RELN: variants seen among roughly 807,000 people sequenced by gnomAD.
RELN encodes the protein reelin.
Under a neutral mutation model 427.6 loss-of-function variants are expected in RELN, and 108 were observed. The observed-to-expected ratio is 0.25, with a 90% CI of 0.22 to 0.30. The LOEUF (loss-of-function observed/expected upper bound fraction) is 0.30. Among genes scored for constraint, RELN ranks in the 10% least tolerant of loss-of-function variants. The probability of loss-of-function intolerance (pLI) is 1.00; values close to 1 mark genes in which losing one functional copy is unlikely to be tolerated. For missense variants in RELN, 3,715 were observed against 4,302.8 expected, an observed-to-expected ratio of 0.86 and a Z score of 3.82; for synonymous variants, 1,524 against 1,513.4, an observed-to-expected ratio of 1.01 and a Z score of -0.16.
chr7:103,702,968 T>C (rs1196185704), intron 8 of RELN, among the ~76,000 whole-genome samples: 3 of 152,182 alleles, frequency 2.0e-5, no homozygotes, highest in Non-Finnish European at 4.4e-5. Context: ...AGATCAAATG[T>C]GTACCCTGAG....
chr7:103,610,796 T>G lies in RELN; in HGVS notation c.2907A>C (p.Pro969=), dbSNP rs780891394. The change falls in exon 22 of 65, where the codon CCA becomes CCC. Residue 969 remains proline (P), a synonymous_variant. Coordinates refer to ENST00000428762, the MANE Select transcript of RELN (RefSeq NM_005045.4). The stretch of plus-strand genomic sequence containing the variant: ...TAAATTCCTGACAACTTGGCATACT[T>G]GGAAGGCATTCCTGAAAGAAAGTTA... ...TWHLVQEECL[P]SMPSCQEFTS... is the part of the protein sequence containing the mutation. The G allele has an allele frequency of 1.9e-6, 3 of 1,600,002 alleles. No individual in the cohort carries two copies. In the African/African-American group the frequency reaches 4.0e-5, roughly 21 times the overall value.
At chr7:103,608,763 T>G (rs1170953128) in intron 22 of RELN, among the ~76,000 whole-genome samples, 3 of 152,180 alleles carry the variant, frequency 2.0e-5, no homozygotes, top group Admixed American at 1.3e-4. Context: ...TCCAGCTTGG[T>G]GTTGCTATCT....
At chr7:103,816,558 C>CAG (rs1792875747) in intron 3 of RELN, among the ~76,000 whole-genome samples, 1 of 151,744 alleles carries the variant, frequency 6.6e-6, no homozygotes, top group South Asian at 2.1e-4. Context: ...CACACACACA[C>CAG]ACACACACAA....
chr7:103,678,567 A>C (rs778616083), intron 11 of RELN, among the ~76,000 whole-genome samples: 2 of 152,206 alleles, frequency 1.3e-5, no homozygotes, highest in African/African-American at 2.4e-5. Context: ...ATGGTGGGAA[A>C]ATATGGATAA....
At chr7:103,547,444 C>T (rs1830323976) in intron 41 of RELN, among the ~76,000 whole-genome samples, 1 of 152,084 alleles carries the variant, frequency 6.6e-6, no homozygotes, top group African/African-American at 2.4e-5. Flanking sequence ...TTACAGGCGC[C>T]CGCCACCACG....
chr7:103,868,613 C>T (rs73712269), intron 2 of RELN, among the ~76,000 whole-genome samples: 1 of 152,050 alleles, frequency 6.6e-6, no homozygotes, highest in Non-Finnish European at 1.5e-5. Context: ...CAATAATAAT[C>T]TTTCCTTTTT....
At chr7:103,551,405 T>G (rs1562886333) in intron 40 of RELN, 109 bp from the exon 41 acceptor site, 3 of 776,178 alleles carry the variant, frequency 3.9e-6, no homozygotes, top group Non-Finnish European at 6.6e-6. Flanking sequence ...ACTGTCTTGC[T>G]GAAATATTTA....
Position 103,472,617 on chromosome 7 carries a change from A to G in RELN, c.*195T>C. 1.7e-6 allele frequency: 1 copy of G among 582,100 alleles called. No individual in the cohort carries two copies. Among genetic ancestry groups the G allele is most frequent in the South Asian group, 2.0e-5 (1 of 50,062 alleles). 36.1% of individuals were successfully genotyped at this position (582,100 alleles called of 1,614,324 possible). ...CGGACACATCAACATGAAGACATTTACTTATGAGCAAATAAGTCACTTGTC... is the reference window on the plus strand; with the variant it reads ...CGGACACATCAACATGAAGACATTTGCTTATGAGCAAATAAGTCACTTGTC... On this transcript the variant is annotated 3_prime_UTR_variant, in exon 65 of 65. Coordinates refer to ENST00000428762, the MANE Select transcript of RELN (RefSeq NM_005045.4).
chr7:103,591,209 T>G (rs1373591218), intron 27 of RELN, among the ~76,000 whole-genome samples: 1 of 152,250 alleles, frequency 6.6e-6, no homozygotes, highest in African/African-American at 2.4e-5. Context: ...ATTTCATTTG[T>G]TGGCGGGAGC....
chr7:103,778,865 G>A (rs1011532721), intron 3 of RELN, among the ~76,000 whole-genome samples: 1 of 152,120 alleles, frequency 6.6e-6, no homozygotes, highest in Non-Finnish European at 1.5e-5. Context: ...TAATAGAGAG[G>A]AGCCCTAGCT....
intron 3 of RELN, among the ~76,000 whole-genome samples, chr7:103,813,969 T>C (rs262373): frequency 0.51 from 77,621 of 151,924 alleles, 20,137 homozygotes; most frequent in Admixed American, 0.6. Flanking sequence ...GGACCCCACA[T>C]GACGGTATTT....
intron 3 of RELN, among the ~76,000 whole-genome samples, chr7:103,779,830 C>T (rs1366227923): frequency 2.6e-5 from 4 of 152,260 alleles, no homozygotes; most frequent in Admixed American, 6.5e-5. Context: ...CAGGTTCAAG[C>T]GATTCTCCTG....
At chr7:103,841,016 G>T (rs972342135) in intron 2 of RELN, among the ~76,000 whole-genome samples, 1 of 152,032 alleles carries the variant, frequency 6.6e-6, no homozygotes, top group African/African-American at 2.4e-5. Flanking sequence ...TGCAAAAAAT[G>T]TTCATATGAA....
In RELN at chr7:103,472,045, A is replaced by T. The variant is rs1400163045; in HGVS notation, c.*767T>A. 1.3e-5 allele frequency: 2 copies of T among 152,552 alleles called. No individual in the cohort carries two copies. The highest frequency in any genetic ancestry group is 2.9e-5 in the Non-Finnish European group (2 of 68,038). 9.4% of individuals were successfully genotyped at this position (152,552 alleles called of 1,614,324 possible). A position where few individuals can be genotyped will look rare whatever the true frequency, so the allele number is the denominator to read the frequency against. Reference sequence around the variant, plus strand: ...ACAAAAAATGGCAGTTACTGTTAGTAAATCAGCCACAGAACACTTAAAAAA... The same window carrying T: ...ACAAAAAATGGCAGTTACTGTTAGTTAATCAGCCACAGAACACTTAAAAAA... On this transcript the variant is annotated 3_prime_UTR_variant, in exon 65 of 65. Coordinates refer to ENST00000428762, the MANE Select transcript of RELN (RefSeq NM_005045.4).
intron 25 of RELN, among the ~76,000 whole-genome samples, chr7:103,595,426 T>C (rs1584328018): frequency 6.6e-6 from 1 of 152,200 alleles, no homozygotes; most frequent in Non-Finnish European, 1.5e-5. Context: ...GAAGAAATGC[T>C]TTCTGTTGGT....
intron 2 of RELN, among the ~76,000 whole-genome samples, chr7:103,885,847 C>T (rs879864152): frequency 2.0e-5 from 3 of 152,070 alleles, no homozygotes; most frequent in Non-Finnish European, 4.4e-5. Flanking sequence ...TAAAATGTTG[C>T]GTTGAGATAC....
intron 16 of RELN, among the ~76,000 whole-genome samples, chr7:103,644,564 A>G (rs1368379843): frequency 6.6e-6 from 1 of 151,616 alleles, no homozygotes; most frequent in African/African-American, 2.4e-5. Context: ...TTTCAAGCTA[A>G]CACAGTCAGA....
intron 41 of RELN, among the ~76,000 whole-genome samples, chr7:103,548,904 T>C (rs1830355466): frequency 6.6e-6 from 1 of 152,212 alleles, no homozygotes; most frequent in African/African-American, 2.4e-5. Flanking sequence ...TGTCATCTTG[T>C]TTCATACGCC....
At chr7:103,615,936 T>C (rs1200503886) in intron 20 of RELN, among the ~76,000 whole-genome samples, 3 of 152,212 alleles carry the variant, frequency 2.0e-5, no homozygotes, top group Non-Finnish European at 4.4e-5. Context: ...AAAAAGGCTC[T>C]TTTATATGAA....
Sources: allele counts gnomAD v4.1 joint callset (sites outside exome capture counted in the v4.1 genomes callset), GRCh38; gene constraint gnomAD v4.1.1; transcripts MANE v1.5; gene names NCBI Gene and HGNC (gene_info 2026-07-23, HGNC 2026-07-21).